The following ACE variants were observed in gnomAD, a reference collection of about 807,000 sequenced individuals.
ACE encodes angiotensin-converting enzyme.
A neutral mutation model predicts 162.3 loss-of-function variants in ACE; 122 were observed. The observed-to-expected ratio is 0.75, with a 90% CI of 0.65 to 0.87. The LOEUF (loss-of-function observed/expected upper bound fraction) is 0.87, where lower values mean the gene tolerates loss of function less well. ACE is among the 40% of genes least tolerant of loss of function. The probability of loss-of-function intolerance (pLI) is 0.00; values close to 1 mark genes in which losing one functional copy is unlikely to be tolerated. For missense variants in ACE, 1,799 were observed against 1,735.1 expected, an observed-to-expected ratio of 1.04 and a Z score of -0.65; for synonymous variants, 796 against 720.6, an observed-to-expected ratio of 1.10 and a Z score of -1.68.
intron 8 of ACE, 59 bp from the exon 9 acceptor site, chr17:63,482,970 T>C (rs1024661546): frequency 2.5e-6 from 4 of 1,574,444 alleles, no homozygotes; most frequent in Non-Finnish European, 3.5e-6. Flanking sequence ...CCCACACTCT[T>C]AGGGGACCCT....
At position 63,491,559 on chromosome 17, in the gene ACE, G is replaced by A. The variant is rs368359357; in HGVS notation, c.2912+178G>A. 5.9e-5 allele frequency among the ~76,000 whole-genome samples: 9 copies of A among 152,308 alleles called. No individual in the cohort carries two copies. The highest frequency in any genetic ancestry group is 2.1e-4 in the South Asian group (1 of 4,824). On this transcript the variant is annotated intron_variant, in intron 19 of 24. Coordinates refer to ENST00000290866, the MANE Select transcript of ACE (RefSeq NM_000789.4). This position sits in a 1 kb window ranked among gnomAD's most constrained non-coding sequence, Gnocchi z 4.4. Reference sequence around the variant, plus strand: ...GGCTTCTGGCAGGAAAACCCCATCCGCCTGATGGGGACTTCTGAAGCACGC... The same window carrying A: ...GGCTTCTGGCAGGAAAACCCCATCCACCTGATGGGGACTTCTGAAGCACGC...
Position 63,484,614 on chromosome 17 carries a change from T to G in ACE, c.1921+73T>G. On this transcript the variant is annotated intron_variant, in intron 12 of 24. Transcript: ENST00000290866. This position sits in a 1 kb window ranked among gnomAD's most constrained non-coding sequence, Gnocchi z 4.0. ...TCTGGGCTTGGCCCAGGCCCCAGGT[T>G]CCTGGTCAGCTCCTACCAGCTGAGC... is the stretch of plus-strand genomic sequence containing the variant. The G allele has an allele frequency of 6.6e-7, 1 of 1,521,424 alleles. No individual in the cohort carries two copies. Among genetic ancestry groups the G allele is most frequent in the Non-Finnish European group, 8.8e-7 (1 of 1,130,680 alleles). The allele number at this position is 1,521,424 out of a possible 1,614,324, so 94.2% of individuals were successfully genotyped here. A position where few individuals can be genotyped will look rare whatever the true frequency, so the allele number is the denominator to read the frequency against.
rs2030901340 is a variant in ACE, at chr17:63,498,268, G to A, written c.*902G>A. 3 of 152,220 alleles carry A rather than the reference G, an allele frequency of 2.0e-5. No individual in the cohort carries two copies. The highest frequency in any genetic ancestry group is 7.2e-5 in the African/African-American group (3 of 41,444). 9.4% of individuals were successfully genotyped at this position (152,220 alleles called of 1,614,324 possible). A position where few individuals can be genotyped will look rare whatever the true frequency, so the allele number is the denominator to read the frequency against. ...CCTCACTCCCTGCATTGGAGGGAGTGTCATTTTAAGGGACATTTTTATGAC... is the reference window on the plus strand; with the variant it reads ...CCTCACTCCCTGCATTGGAGGGAGTATCATTTTAAGGGACATTTTTATGAC... On this transcript the variant is annotated 3_prime_UTR_variant, in exon 25 of 25. Coordinates refer to ENST00000290866, the MANE Select transcript of ACE (RefSeq NM_000789.4).
Position 63,480,641 on chromosome 17 carries a change from G to GT in ACE, c.847+114dup, listed in dbSNP as rs548710918. 160 of 1,153,158 alleles carry GT rather than the reference G, an allele frequency of 1.4e-4. 1 individual carries two copies. In the African/African-American group the frequency reaches 2.0e-3, roughly 15 times the overall value. 71.4% of individuals were successfully genotyped at this position (1,153,158 alleles called of 1,614,324 possible). On this transcript the variant is annotated intron_variant, in intron 5 of 24. Transcript: ENST00000290866. ...GGGTTGTGACCCTCACATCTCACAT[G>GT]TGTGGGGCATCATACTGTTTGCTTC... is the stretch of plus-strand genomic sequence containing the variant.
Position 63,484,951 on chromosome 17 carries a change from C to T in ACE, c.1922-285C>T. On this transcript the variant is annotated intron_variant, in intron 12 of 24. Coordinates refer to ENST00000290866, the MANE Select transcript of ACE (RefSeq NM_000789.4). The surrounding 1 kb of genome is among the most constrained non-coding windows in gnomAD (Gnocchi z 4.0). ...ACGGGCACCCTCTGCTGGTCCCCAG[C>T]CAGGAGGCATCCCAACAGGTGACAG... 1.2e-6 allele frequency: 2 copies of T among 1,601,136 alleles called. No individual in the cohort carries two copies. The highest frequency in any genetic ancestry group is 1.7e-6 in the Non-Finnish European group (2 of 1,174,080).
At chr17:63,497,107 G>A (rs560218404) in intron 24 of ACE, 30 bp from the exon 25 acceptor site, 16 of 1,596,666 alleles carry the variant, frequency 1.0e-5, no homozygotes, top group East Asian at 4.5e-5. Context: ...GCCCTGCCCT[G>A]CCCATGCTGT....
In ACE at chr17:63,497,963, AAGGCTTCC is replaced by A. The variant is rs1172284263; in HGVS notation, c.*598_*605del. Reference sequence around the variant, plus strand: ...ACAAATGGCCAGGTCCCCCCAGGGGAAGGCTTCCGGCTGTTATCGGCTGCCTCAGGGGG... The same window carrying A: ...ACAAATGGCCAGGTCCCCCCAGGGGAGGCTGTTATCGGCTGCCTCAGGGGG... On this transcript the variant is annotated 3_prime_UTR_variant, in exon 25 of 25. Transcript: ENST00000290866. 7 of 204,812 alleles carry A rather than the reference AAGGCTTCC, an allele frequency of 3.4e-5. No homozygotes were observed. The highest frequency in any genetic ancestry group is 7.0e-5 in the Non-Finnish European group (7 of 99,992). The allele number at this position is 204,812 out of a possible 1,614,324, so 12.7% of individuals were successfully genotyped here. A position where few individuals can be genotyped will look rare whatever the true frequency, so the allele number is the denominator to read the frequency against.
rs751966026 is a variant in ACE, at chr17:63,485,389, C to CA, written c.2058+18dup. On this transcript the variant is annotated intron_variant, in intron 13 of 24. Coordinates refer to ENST00000290866, the MANE Select transcript of ACE (RefSeq NM_000789.4). ...AAGATTCTGGTGGGAGCCACCTCCC[C>CA]ACCCCCAAACCTGAGCATGTGCATA... The CA allele has an allele frequency of 2.5e-6, 4 of 1,613,678 alleles. No individual in the cohort carries two copies. Among genetic ancestry groups the CA allele is most frequent in the Non-Finnish European group, 2.5e-6 (3 of 1,179,850 alleles).
In ACE at chr17:63,479,799, G is replaced by C. The variant is rs1213510652; in HGVS notation, c.542G>C (p.Ser181Thr). The C allele has an allele frequency of 1.9e-6, 3 of 1,613,364 alleles. No homozygotes were observed. The highest frequency in any genetic ancestry group is 1.7e-5 in the Admixed American group (1 of 60,034). The change falls in exon 4 of 25, where the codon AGC (serine) becomes ACC (threonine). Residue 181 changes from serine (S) to threonine (T), a missense_variant. Transcript: ENST00000290866. Reference protein sequence around the residue: ...DLTNILASSRSYAMLLFAWEG... With the variant: ...DLTNILASSRTYAMLLFAWEG... ...ACCAACATCCTGGCTTCCTCGCGAA[G>C]CTACGCCATGCTCCTGTTTGCCTGG...
chr17:63,482,953 C>T (rs2049735761), intron 8 of ACE, 76 bp from the exon 9 acceptor site: 2 of 1,501,716 alleles, frequency 1.3e-6, no homozygotes, highest in Non-Finnish European at 1.9e-6. Flanking sequence ...TTCTGCTGCC[C>T]CGCCAGCCCA....
In ACE at chr17:63,483,870, G is replaced by A; in HGVS notation, c.1608G>A (p.Leu536=). ...PYIRYFVSFV[L]QFQFHEALCK... ...GCAGGTACTTTGTGAGTTTTGTCCT[G>A]CAGTTCCAGTTCCATGAAGCCCTGT... Residue 536 remains leucine (L), a synonymous_variant, in exon 11 of 25, where the codon CTG becomes CTA. Transcript: ENST00000290866. 1 of 1,614,152 alleles carries A rather than the reference G, an allele frequency of 6.2e-7. No homozygotes were observed. The highest frequency in any genetic ancestry group is 1.1e-5 in the South Asian group (1 of 91,080).
At position 63,481,584 on chromosome 17, in the gene ACE, A is replaced by G. The variant is rs1391141938; in HGVS notation, c.964A>G (p.Met322Val). Residue 322 changes from methionine to valine, a missense_variant, in exon 7 of 25, where the codon ATG becomes GTG. Physicochemically the swap from Met to Val is conservative, Grantham distance 21 (BLOSUM62 1). Coordinates refer to ENST00000290866, the MANE Select transcript of ACE (RefSeq NM_000789.4). ...CCTCCAGGGCTGGAACGCCACGCAC[A>G]TGTTCCGGGTGGCAGAGGAGTTCTT... ...MLQQGWNATH[M>V]FRVAEEFFTS... 18 of 1,613,842 alleles carry G rather than the reference A, an allele frequency of 1.1e-5. No individual in the cohort carries two copies. Among genetic ancestry groups the G allele is most frequent in the Non-Finnish European group, 1.4e-5 (17 of 1,180,006 alleles).
rs1026599078 is a variant in ACE at position 63,491,050 on chromosome 17, A to C, written c.2738A>C (p.Gln913Pro). The C allele has an allele frequency of 6.2e-7, 1 of 1,614,034 alleles. No homozygotes were observed. The change falls in exon 18 of 25, where the codon CAG (glutamine) becomes CCG (proline). Residue 913 changes from glutamine to proline, a missense_variant and splice_region_variant. Coordinates refer to ENST00000290866, the MANE Select transcript of ACE (RefSeq NM_000789.4). This position sits in a 1 kb window ranked among gnomAD's most constrained non-coding sequence, Gnocchi z 4.4. ...GACACCACAGAGGCTATGCTAAAGC[A>C]GGTCCGCACCAGCCCAGGGGCAGGG... ...SMDTTEAMLK[Q>P]GWTPRRMFKE...
chr17:63,491,334 G>A lies in ACE; in HGVS notation c.2865G>A (p.Val955=), dbSNP rs766716582. 17 of 1,614,154 alleles carry A rather than the reference G, an allele frequency of 1.1e-5. No individual in the cohort carries two copies. In the South Asian group the frequency reaches 1.8e-4, roughly 17 times the overall value. The change falls in exon 19 of 25, where the codon GTG becomes GTA. Residue 955 remains valine, a synonymous_variant. Transcript: ENST00000290866. The surrounding 1 kb of genome is among the most constrained non-coding windows in gnomAD (Gnocchi z 4.4). ...AGAAGCCAACCGACGGGCGGGAGGT[G>A]GTCTGCCACGCCTCGGCCTGGGACT... The part of the protein sequence containing the change: ...MLEKPTDGRE[V]VCHASAWDFY...
chr17:63,478,206 G>T (rs2049651044), intron 2 of ACE, 108 bp downstream of exon 2: 2 of 1,398,498 alleles, frequency 1.4e-6, no homozygotes, highest in Non-Finnish European at 9.7e-7. Flanking sequence ...GATCCACATG[G>T]GCCCTGACAG....
Position 63,485,264 on chromosome 17 carries a change from C to G in ACE, c.1950C>G (p.Ser650Arg). ...TGGTGACTGATGAGGCTGAGGCCAG[C>G]AAGTTTGTGGAGGAATATGACCGGA... ...IDLVTDEAEA[S>R]KFVEEYDRTS... The change falls in exon 13 of 25, where the codon AGC (serine) becomes AGG (arginine). Residue 650 changes from serine (S) to arginine (R), a missense_variant. Ser to Arg is a moderately radical substitution (Grantham distance 110). Transcript: ENST00000290866. The G allele has an allele frequency of 6.2e-7, 1 of 1,614,078 alleles. No individual in the cohort carries two copies. Among genetic ancestry groups the G allele is most frequent in the African/African-American group, 1.3e-5 (1 of 75,026 alleles).
chr17:63,497,691 G>A lies in ACE; in HGVS notation c.*325G>A. Reference sequence around the variant, plus strand: ...TGCTTTCCTGCCTCCTGGCAGTCAAGTGGGTCCCGTTACTAGGTTTGTTCC... The same window carrying A: ...TGCTTTCCTGCCTCCTGGCAGTCAAATGGGTCCCGTTACTAGGTTTGTTCC... On this transcript the variant is annotated 3_prime_UTR_variant, in exon 25 of 25. Transcript: ENST00000290866. 2 of 552,378 alleles carry A rather than the reference G, an allele frequency of 3.6e-6. No individual in the cohort carries two copies. Among genetic ancestry groups the A allele is most frequent in the South Asian group, 1.9e-5 (1 of 53,392 alleles). 34.2% of individuals were successfully genotyped at this position (552,378 alleles called of 1,614,324 possible).
At chr17:63,487,104 G>A in intron 15 of ACE, 31 bp downstream of exon 15, 1 of 1,601,332 alleles carries the variant, frequency 6.2e-7, no homozygotes, top group Admixed American at 1.7e-5. Flanking sequence ...TGAGTGAGAG[G>A]CGAGGGCTGG....
intron 17 of ACE, 75 bp from the exon 18 acceptor site, chr17:63,490,879 C>A: frequency 7.1e-7 from 1 of 1,401,926 alleles, no homozygotes; most frequent in Non-Finnish European, 1.0e-6. Context: ...CTGGAGCGCT[C>A]TTCCTGCAGG....
Sources: allele counts gnomAD v4.1 joint callset (sites outside exome capture counted in the v4.1 genomes callset), GRCh38; gene constraint gnomAD v4.1.1; non-coding constraint Gnocchi (gnomAD v3.1); transcripts MANE v1.5; gene names NCBI Gene and HGNC (gene_info 2026-07-23, HGNC 2026-07-21).